SHROOM1: variants seen among roughly 807,000 people sequenced by gnomAD.
The protein encoded by SHROOM1 is shroom family member 1, also known as protein Shroom1.
Under a neutral mutation model 64.2 loss-of-function variants are expected in SHROOM1, and 53 were observed. The observed-to-expected ratio is 0.83, with a 90% confidence interval of 0.66 to 1.04. SHROOM1 has a LOEUF of 1.04. Ranked by LOEUF, SHROOM1 falls within the 50% of genes least tolerant of loss-of-function variation. The probability of loss-of-function intolerance (pLI) is 0.00; values close to 1 mark genes in which losing one functional copy is unlikely to be tolerated. For synonymous variants in SHROOM1, 490 were observed against 518.9 expected (o/e 0.94, Z 0.76); for missense variants, 1,179 against 1,163.2 (o/e 1.01, Z -0.20).
rs772041970 is a variant in SHROOM1, at chr5:132,823,422, G to A, written c.2054C>T (p.Ala685Val). 1 of 1,611,604 alleles carries A rather than the reference G, an allele frequency of 6.2e-7. No homozygotes were observed. Among genetic ancestry groups the A allele is most frequent in the Non-Finnish European group, 8.5e-7 (1 of 1,179,810 alleles). ...GGCCTGGCGCACTGCAGCCTCCAGAGCCGCTTGGCGCCTGGCCCACGCTTG... is the reference window on the plus strand; with the variant it reads ...GGCCTGGCGCACTGCAGCCTCCAGAACCGCTTGGCGCCTGGCCCACGCTTG... ...EAQAWARRQA[A>V]LEAAVRQACA... is the part of the protein sequence containing the mutation. The change falls in exon 9 of 10, where the codon GCT becomes GTT. Residue 685 changes from alanine (A) to valine (V), a missense_variant. Transcript: ENST00000378679. This position sits in a 1 kb window ranked among gnomAD's most constrained non-coding sequence, Gnocchi z 4.6.
chr5:132,822,958 G>T lies in SHROOM1; in HGVS notation c.2397C>A (p.Val799=). The T allele has an allele frequency of 6.2e-7, 1 of 1,611,276 alleles. No individual in the cohort carries two copies. Among genetic ancestry groups the T allele is most frequent in the Non-Finnish European group, 8.5e-7 (1 of 1,179,848 alleles). The change falls in exon 10 of 10, where the codon GTC becomes GTA. Residue 799 remains valine, a synonymous_variant. Coordinates refer to ENST00000378679, the MANE Select transcript of SHROOM1 (RefSeq NM_001172700.2). ...YCALLAGKAA[V]LAQQRNLDER... is the part of the protein sequence containing the mutation. ...CGTCCAGGTTGCGCTGCTGGGCCAG[G>T]ACGGCGGCCTTGCCCGCCAGCAGGG...
In SHROOM1 at chr5:132,822,667, G is replaced by C. The variant is rs1206458163; in HGVS notation, c.*129C>G. 13 of 1,126,908 alleles carry C rather than the reference G, an allele frequency of 1.2e-5. No homozygotes were observed. The highest frequency in any genetic ancestry group is 4.9e-5 in the South Asian group (3 of 60,704). The allele number at this position is 1,126,908 out of a possible 1,614,324, so 69.8% of individuals were successfully genotyped here. ...CGTGAGCCACCGCGCCCGGCTGGAGGAGTATCTTAGAAAGGCCTGGACTGG... is the reference window on the plus strand; with the variant it reads ...CGTGAGCCACCGCGCCCGGCTGGAGCAGTATCTTAGAAAGGCCTGGACTGG... On this transcript the variant is annotated 3_prime_UTR_variant, in exon 10 of 10. Coordinates refer to ENST00000378679, the MANE Select transcript of SHROOM1 (RefSeq NM_001172700.2).
intron 1 of SHROOM1, chr5:132,829,645 T>TA (rs1442683237): frequency 1.2e-5 from 12 of 985,422 alleles, no homozygotes; most frequent in Non-Finnish European, 1.4e-5. Flanking sequence ...GTGGAGGGGC[T>TA]ATCCAGGCCG....
chr5:132,830,454 C>G lies in SHROOM1; in HGVS notation c.-501+140G>C. Reference sequence around the variant, plus strand: ...ACGCGGCGCCGAGCCAGACACGTCCCGGCCGAACGATGCCCGGGCTGCCCC... The same window carrying G: ...ACGCGGCGCCGAGCCAGACACGTCCGGGCCGAACGATGCCCGGGCTGCCCC... On this transcript the variant is annotated intron_variant, in intron 1 of 9. Transcript: ENST00000378679. This position sits in a 1 kb window ranked among gnomAD's most constrained non-coding sequence, Gnocchi z 5.9. 1.0e-6 allele frequency: 1 copy of G among 985,070 alleles called. No homozygotes were observed. The highest frequency in any genetic ancestry group is 1.2e-6 in the Non-Finnish European group (1 of 829,850). 61.0% of individuals were successfully genotyped at this position (985,070 alleles called of 1,614,324 possible).
At chr5:132,829,572 T>A (rs1054477481) in intron 1 of SHROOM1, 2 of 985,170 alleles carry the variant, frequency 2.0e-6, no homozygotes, top group Non-Finnish European at 2.4e-6. Flanking sequence ...CAGCCTCAAA[T>A]ACAACGAATG....
rs1310216820 is a variant in SHROOM1, at chr5:132,825,590, G to C, written c.551C>G (p.Pro184Arg). 1.4e-6 allele frequency: 2 copies of C among 1,387,820 alleles called. No individual in the cohort carries two copies. The highest frequency in any genetic ancestry group is 1.5e-5 in the African/African-American group (1 of 65,242). The allele number at this position is 1,387,820 out of a possible 1,614,324, so 86.0% of individuals were successfully genotyped here. Reference sequence around the variant, plus strand: ...CGGGTGGCTGAGCGAGGCGGAGCGCGGGTGAGTCGCCGGGGGCCGCGCTGG... The same window carrying C: ...CGGGTGGCTGAGCGAGGCGGAGCGCCGGTGAGTCGCCGGGGGCCGCGCTGG... ...TVPARPPATH[P>R]RSASLSHPGG... The change falls in exon 4 of 10, where the codon CCG becomes CGG. Residue 184 changes from proline (P) to arginine (R), a missense_variant. Coordinates refer to ENST00000378679, the MANE Select transcript of SHROOM1 (RefSeq NM_001172700.2). The surrounding 1 kb of genome is among the most constrained non-coding windows in gnomAD (Gnocchi z 5.1).
chr5:132,823,901 C>G lies in SHROOM1; in HGVS notation c.1760G>C (p.Arg587Pro). The G allele has an allele frequency of 6.5e-7, 1 of 1,543,192 alleles. No individual in the cohort carries two copies. Among genetic ancestry groups the G allele is most frequent in the Non-Finnish European group, 8.7e-7 (1 of 1,146,448 alleles). The change falls in exon 7 of 10, where the codon CGG becomes CCG. Residue 587 changes from arginine (R) to proline (P), a missense_variant. Arg to Pro is a moderately radical substitution (Grantham distance 103). Coordinates refer to ENST00000378679, the MANE Select transcript of SHROOM1 (RefSeq NM_001172700.2). This position sits in a 1 kb window ranked among gnomAD's most constrained non-coding sequence, Gnocchi z 4.6. ...CTCTCCAGCCTCCCCACAGGCAGGC[C>G]GCATTGCAGCCCGGACCTCTGCTAA... ...IPLAEVRAAM[R>P]PACGEAGEEA...
At position 132,826,017 on chromosome 5, in the gene SHROOM1, C is replaced by A; in HGVS notation, c.124G>T (p.Gly42Cys). The A allele has an allele frequency of 6.5e-7, 1 of 1,533,062 alleles. No homozygotes were observed. The highest frequency in any genetic ancestry group is 1.2e-5 in the South Asian group (1 of 80,898). 95.0% of individuals were successfully genotyped at this position (1,533,062 alleles called of 1,614,324 possible). Residue 42 changes from glycine to cysteine, a missense_variant, in exon 4 of 10, where the codon GGC (glycine) becomes TGC (cysteine). Gly to Cys is a radical substitution (Grantham distance 159). Transcript: ENST00000378679. ...GGCGACTGCGTGCGCGGCTCGGGGCCGCCGGAGGCTGCGGAGAAAGAGCTG... is the reference window on the plus strand; with the variant it reads ...GGCGACTGCGTGCGCGGCTCGGGGCAGCCGGAGGCTGCGGAGAAAGAGCTG... ...AYSSFSAASG[G>C]PEPRTQSPGT...
intron 1 of SHROOM1, chr5:132,829,888 G>T: frequency 1.0e-6 from 1 of 985,498 alleles, no homozygotes. Flanking sequence ...CTCCGAGTGT[G>T]CGACTGGTTT....
chr5:132,822,711 A>T lies in SHROOM1; in HGVS notation c.*85T>A. 1 of 1,426,454 alleles carries T rather than the reference A, an allele frequency of 7.0e-7. No individual in the cohort carries two copies. 88.4% of individuals were successfully genotyped at this position (1,426,454 alleles called of 1,614,324 possible). On this transcript the variant is annotated 3_prime_UTR_variant, in exon 10 of 10. Coordinates refer to ENST00000378679, the MANE Select transcript of SHROOM1 (RefSeq NM_001172700.2). ...GGACTGGGTCCTCCCCAATCCCTCA[A>T]GGGAAAAGCAGAGACTAAATCAGCA...
chr5:132,824,792 A>G lies in SHROOM1; in HGVS notation c.1064T>C (p.Met355Thr). 1 of 1,614,120 alleles carries G rather than the reference A, an allele frequency of 6.2e-7. No homozygotes were observed. Among genetic ancestry groups the G allele is most frequent in the South Asian group, 1.1e-5 (1 of 91,078 alleles). Residue 355 changes from methionine (M) to threonine (T), a missense_variant, in exon 6 of 10, where the codon ATG becomes ACG. Physicochemically the swap from Met to Thr is moderately conservative, Grantham distance 81. Coordinates refer to ENST00000378679, the MANE Select transcript of SHROOM1 (RefSeq NM_001172700.2). ...RFLPQKEAAVMYPAELPQSSP... is the reference protein window; with the variant it reads ...RFLPQKEAAVTYPAELPQSSP... ...GCTCTGGGGTAACTCTGCAGGATAC[A>G]TCACCGCAGCCTCTTTCTGAGGCAA...
Position 132,823,108 on chromosome 5 carries a change from G to C in SHROOM1, c.2247C>G (p.Leu749=), listed in dbSNP as rs962231218. 1 of 1,576,992 alleles carries C rather than the reference G, an allele frequency of 6.3e-7. No homozygotes were observed. The highest frequency in any genetic ancestry group is 1.3e-5 in the African/African-American group (1 of 74,396). The stretch of plus-strand genomic sequence containing the variant: ...CCTCCTCCTGCCGCTGCAGGAGCCG[G>C]AGTCGCTGCAGCAGGGAGGCCTTGA... ...PDEQASLLQR[L]RLLQRQEEDA... is the part of the protein sequence containing the mutation. Residue 749 remains leucine, a synonymous_variant, in exon 10 of 10, where the codon CTC becomes CTG. Transcript: ENST00000378679. The surrounding 1 kb of genome is among the most constrained non-coding windows in gnomAD (Gnocchi z 4.6).
Position 132,825,749 on chromosome 5 carries a change from G to A in SHROOM1, c.392C>T (p.Pro131Leu). ...GGCCCTCGAGGCCGGCGGGCTGGGCGGCTCGGCAGCCTGCGCCGCGGCCTC... is the reference window on the plus strand; with the variant it reads ...GGCCCTCGAGGCCGGCGGGCTGGGCAGCTCGGCAGCCTGCGCCGCGGCCTC... ...EAEAAAQAAE[P>L]PSPPASRAAY... Residue 131 changes from proline (P) to leucine (L), a missense_variant, in exon 4 of 10, where the codon CCG becomes CTG. Pro to Leu is a moderately conservative substitution (Grantham distance 98). Transcript: ENST00000378679. The surrounding 1 kb of genome is among the most constrained non-coding windows in gnomAD (Gnocchi z 5.1). The A allele has an allele frequency of 8.0e-7, 1 of 1,250,670 alleles. No homozygotes were observed. Among genetic ancestry groups the A allele is most frequent in the Non-Finnish European group, 1.0e-6 (1 of 1,002,066 alleles). 77.5% of individuals were successfully genotyped at this position (1,250,670 alleles called of 1,614,324 possible). A position where few individuals can be genotyped will look rare whatever the true frequency, so the allele number is the denominator to read the frequency against.
At chr5:132,828,299 G>A (rs930547368) in intron 1 of SHROOM1, among the ~76,000 whole-genome samples, 2 of 152,178 alleles carry the variant, frequency 1.3e-5, no homozygotes, top group African/African-American at 4.8e-5. Flanking sequence ...GAGGCTCTCA[G>A]CAGACCTAGG....
Position 132,825,994 on chromosome 5 carries a change from C to T in SHROOM1, c.147G>A (p.Ser49=), listed in dbSNP as rs185835910. Residue 49 remains serine (S), a synonymous_variant, in exon 4 of 10, where the codon TCG becomes TCA. Coordinates refer to ENST00000378679, the MANE Select transcript of SHROOM1 (RefSeq NM_001172700.2). This position sits in a 1 kb window ranked among gnomAD's most constrained non-coding sequence, Gnocchi z 5.1. Reference sequence around the variant, plus strand: ...GGTAAGGAAGGAGGTCTGTCCCCGGCGACTGCGTGCGCGGCTCGGGGCCGC... The same window carrying T: ...GGTAAGGAAGGAGGTCTGTCCCCGGTGACTGCGTGCGCGGCTCGGGGCCGC... ...ASGGPEPRTQ[S]PGTDLLPYLD... 6.5e-7 allele frequency: 1 copy of T among 1,529,860 alleles called. No homozygotes were observed. The highest frequency in any genetic ancestry group is 8.8e-7 in the Non-Finnish European group (1 of 1,138,948). 94.8% of individuals were successfully genotyped at this position (1,529,860 alleles called of 1,614,324 possible).
Position 132,825,902 on chromosome 5 carries a change from C to A in SHROOM1, c.239G>T (p.Cys80Phe). 1 of 1,336,358 alleles carries A rather than the reference C, an allele frequency of 7.5e-7. No individual in the cohort carries two copies. 82.8% of individuals were successfully genotyped at this position (1,336,358 alleles called of 1,614,324 possible). A position where few individuals can be genotyped will look rare whatever the true frequency, so the allele number is the denominator to read the frequency against. The change falls in exon 4 of 10, where the codon TGC becomes TTC. Residue 80 changes from cysteine (C) to phenylalanine (F), a missense_variant. Cys to Phe is a radical substitution (Grantham distance 205, BLOSUM62 -2). Coordinates refer to ENST00000378679, the MANE Select transcript of SHROOM1 (RefSeq NM_001172700.2). The surrounding 1 kb of genome is among the most constrained non-coding windows in gnomAD (Gnocchi z 5.1). Reference protein sequence around the residue: ...PGPAPPDAALCTSPRPRPAVA... With the variant: ...PGPAPPDAALFTSPRPRPAVA... The stretch of plus-strand genomic sequence containing the variant: ...CGCGGGCCGGGGCCGCGGGGATGTG[C>A]AAAGGGCAGCGTCGGGCGGGGCGGG...
In SHROOM1 at chr5:132,823,370, G is replaced by T; in HGVS notation, c.2106C>A (p.Phe702Leu). 1 of 1,608,808 alleles carries T rather than the reference G, an allele frequency of 6.2e-7. No individual in the cohort carries two copies. The highest frequency in any genetic ancestry group is 1.1e-5 in the South Asian group (1 of 91,054). ...GCTCTAGGTCGGCCATGAACCGGCT[G>T]AACCGCTCCAGCTCCTGAGGGGCAC... ...QACAPQELER[F>L]SRFMADLERV... The change falls in exon 9 of 10, where the codon TTC becomes TTA. Residue 702 changes from phenylalanine (F) to leucine (L), a missense_variant. Coordinates refer to ENST00000378679, the MANE Select transcript of SHROOM1 (RefSeq NM_001172700.2). This position sits in a 1 kb window ranked among gnomAD's most constrained non-coding sequence, Gnocchi z 4.6.
chr5:132,830,197 C>T lies in SHROOM1; in HGVS notation c.-501+397G>A, dbSNP rs1581236661. On this transcript the variant is annotated intron_variant, in intron 1 of 9. Transcript: ENST00000378679. This position sits in a 1 kb window ranked among gnomAD's most constrained non-coding sequence, Gnocchi z 5.9. ...TTCACCGTCGGGGAAGGATCGCGCGCAGGGGACAGCGCGAGCCCGGGAGGG... is the reference window on the plus strand; with the variant it reads ...TTCACCGTCGGGGAAGGATCGCGCGTAGGGGACAGCGCGAGCCCGGGAGGG... The T allele has an allele frequency of 4.1e-6, 4 of 985,308 alleles. No individual in the cohort carries two copies. The East Asian group carries it at 3.4e-4, about 84-fold the overall frequency. The allele number at this position is 985,308 out of a possible 1,614,324, so 61.0% of individuals were successfully genotyped here. A position where few individuals can be genotyped will look rare whatever the true frequency, so the allele number is the denominator to read the frequency against.
At chr5:132,826,256 C>CACGG (rs1758698316) in intron 3 of SHROOM1, 21 bp downstream of exon 3, 13 of 1,257,936 alleles carry the variant, frequency 1.0e-5, no homozygotes, top group Admixed American at 4.2e-5. Context: ...GCCCCGCCAC[C>CACGG]ACGGACGGCC....
Sources: gnomAD v4.1 joint callset for allele counts (sites outside exome capture counted in the v4.1 genomes callset) on GRCh38, gnomAD v4.1.1 for gene constraint, Gnocchi (gnomAD v3.1) non-coding constraint, MANE v1.5 for transcripts, NCBI Gene and HGNC (gene_info 2026-07-23, HGNC 2026-07-21) for gene names.